CFH: variants seen among roughly 807,000 people sequenced by gnomAD.
CFH encodes complement factor H.
A neutral mutation model predicts 147.3 loss-of-function variants in CFH; 53 were observed. The observed-to-expected ratio is 0.36, with a 90% CI of 0.29 to 0.45. CFH has a LOEUF of 0.45. CFH is among the 20% of genes least tolerant of loss of function. The pLI is 1.00. For synonymous variants in CFH, 536 were observed against 489.4 expected, an observed-to-expected ratio of 1.10 and a Z score of -1.26; for missense variants, 1,380 against 1,498.0, an observed-to-expected ratio of 0.92 and a Z score of 1.30.
chr1:196,737,352 T>C, intron 16 of CFH, 123 bp from the exon 17 acceptor site: 1 of 753,162 alleles, frequency 1.3e-6, no homozygotes. Flanking sequence ...TATGTTTTTG[T>C]TTTTAAATAA....
At chr1:196,712,188 T>G (rs114869010) in intron 9 of CFH, among the ~76,000 whole-genome samples, 3,058 of 152,202 alleles carry the variant, frequency 0.02, 95 homozygotes, top group African/African-American at 0.069. Context: ...TCATCTATTT[T>G]GTTCCATTTC....
intron 7 of CFH, among the ~76,000 whole-genome samples, chr1:196,688,577 T>A (rs991548679): frequency 3.3e-5 from 5 of 152,110 alleles, no homozygotes; most frequent in African/African-American, 1.2e-4. Flanking sequence ...TTACGTTGTC[T>A]GCAATAAATA....
At chr1:196,742,782 G>A (rs1356684044) in intron 19 of CFH, among the ~76,000 whole-genome samples, 4 of 152,082 alleles carry the variant, frequency 2.6e-5, no homozygotes, top group Admixed American at 1.3e-4. Flanking sequence ...ACTACACATG[G>A]ATATGAAACT....
intron 9 of CFH, among the ~76,000 whole-genome samples, chr1:196,703,975 A>G (rs1228609763): frequency 6.8e-5 from 6 of 87,654 alleles, no homozygotes; most frequent in Admixed American, 1.8e-4. Flanking sequence ...ACAGAGCAAG[A>G]CTCTGTCAAA....
At chr1:196,717,378 T>C (rs1668895842) in intron 11 of CFH, among the ~76,000 whole-genome samples, 1 of 152,132 alleles carries the variant, frequency 6.6e-6, no homozygotes, top group South Asian at 2.1e-4. Flanking sequence ...GTGCCTTATA[T>C]AATAAAGTCA....
intron 1 of CFH, among the ~76,000 whole-genome samples, chr1:196,654,053 C>A (rs1666594798): frequency 6.6e-6 from 1 of 152,084 alleles, no homozygotes; most frequent in Non-Finnish European, 1.5e-5. Flanking sequence ...TTCTATTAAT[C>A]TACCATATCT....
At position 196,728,159 on chromosome 1, in the gene CFH, A is replaced by G. The variant is rs1377026434; in HGVS notation, c.2237-187A>G. ...CTCTAACATTTCAGCGACAGAATAC[A>G]GGGCTTATATTTTGACATAATAGCA... On this transcript the variant is annotated intron_variant, in intron 14 of 21. Transcript: ENST00000367429. 2.0e-5 allele frequency among the ~76,000 whole-genome samples: 3 copies of G among 152,150 alleles called. No homozygotes were observed. In the East Asian group the frequency reaches 5.8e-4, roughly 29 times the overall value.
Position 196,740,614 on chromosome 1 carries a change from T to C in CFH, c.2783-5T>C, listed in dbSNP as rs764271963. 21 of 1,613,494 alleles carry C rather than the reference T, an allele frequency of 1.3e-5. No homozygotes were observed. The South Asian group carries it at 1.9e-4, about 14-fold the overall frequency. ...TGAAACCTGAATTCATTCTTTTTTT[T>C]TTAGGCCTTCCTTGTAAATCTCCAC... is the stretch of plus-strand genomic sequence containing the variant. On this transcript the variant is annotated splice_region_variant and splice_polypyrimidine_tract_variant and intron_variant, in intron 17 of 21. Coordinates refer to ENST00000367429, the MANE Select transcript of CFH (RefSeq NM_000186.4).
intron 20 of CFH, among the ~76,000 whole-genome samples, chr1:196,745,394 GATTT>G (rs1378586034): frequency 1.3e-5 from 2 of 151,992 alleles, no homozygotes; most frequent in East Asian, 1.9e-4. Context: ...CAAGTTCATG[GATTT>G]ATTTGTCTGT....
chr1:196,681,431 C>G (rs1667652822), intron 6 of CFH, among the ~76,000 whole-genome samples: 1 of 151,088 alleles, frequency 6.6e-6, no homozygotes, highest in African/African-American at 2.4e-5. Context: ...AAATGTATTA[C>G]TGCATTTCTA....
chr1:196,734,736 C>G (rs143265150), intron 15 of CFH, among the ~76,000 whole-genome samples: 7 of 151,814 alleles, frequency 4.6e-5, no homozygotes, highest in Non-Finnish European at 8.8e-5. Flanking sequence ...CAATATTGAT[C>G]ATTTTTTAAA....
intron 17 of CFH, among the ~76,000 whole-genome samples, chr1:196,739,791 T>C (rs541482254): frequency 3.6e-4 from 55 of 152,342 alleles, no homozygotes; most frequent in African/African-American, 1.3e-3. Flanking sequence ...TTTTTGGTTA[T>C]CTTTACAGCA....
Position 196,690,188 on chromosome 1 carries a change from G to A in CFH, c.1285G>A (p.Val429Ile). The change falls in exon 9 of 22, where the codon GTT (valine) becomes ATT (isoleucine). Residue 429 changes from valine to isoleucine, a missense_variant. Val to Ile is a conservative substitution (Grantham distance 29). Coordinates refer to ENST00000367429, the MANE Select transcript of CFH (RefSeq NM_000186.4). The stretch of plus-strand genomic sequence containing the variant: ...CGCTCTTCCAAAAGCGCAGACCACA[G>A]TTACATGTATGGAGAATGGCTGGTC... Reference protein sequence around the residue: ...GYALPKAQTTVTCMENGWSPT... With the variant: ...GYALPKAQTTITCMENGWSPT... 1.9e-6 allele frequency: 3 copies of A among 1,613,446 alleles called. 1 individual carries two copies. In the South Asian group the frequency reaches 3.3e-5, roughly 18 times the overall value.
At chr1:196,691,190 C>T (rs1231936288) in intron 9 of CFH, among the ~76,000 whole-genome samples, 1 of 151,900 alleles carries the variant, frequency 6.6e-6, no homozygotes, top group Admixed American at 6.6e-5. Flanking sequence ...TCATTTGACT[C>T]AAAATAATTA....
At chr1:196,744,728 T>G (rs1652941465) in intron 20 of CFH, among the ~76,000 whole-genome samples, 1 of 152,184 alleles carries the variant, frequency 6.6e-6, no homozygotes, top group Admixed American at 6.5e-5. Context: ...TGAAAAAACT[T>G]ATGAGGAAAA....
At position 196,663,615 on chromosome 1, in the gene CFH, T is replaced by C. The variant is rs192503346; in HGVS notation, c.59-9363T>C. The stretch of plus-strand genomic sequence containing the variant: ...TTTCTCCCGTATAATGTCTTTGACA[T>C]TTGTAATAATAATTTGGTGCTTAAG... On this transcript the variant is annotated intron_variant, in intron 1 of 21. Coordinates refer to ENST00000367429, the MANE Select transcript of CFH (RefSeq NM_000186.4). Among the ~76,000 whole-genome samples, 4 of 152,332 alleles carry C rather than the reference T, an allele frequency of 2.6e-5. No homozygotes were observed. The East Asian group carries it at 7.7e-4, about 29-fold the overall frequency.
chr1:196,663,506 A>G (rs1480352863), intron 1 of CFH, among the ~76,000 whole-genome samples: 1 of 152,206 alleles, frequency 6.6e-6, no homozygotes, highest in Non-Finnish European at 1.5e-5. Flanking sequence ...CAGAATTAGT[A>G]TTGTTGATTA....
chr1:196,665,487 T>C (rs1009643731), intron 1 of CFH, among the ~76,000 whole-genome samples: 1 of 151,924 alleles, frequency 6.6e-6, no homozygotes, highest in Non-Finnish European at 1.5e-5. Context: ...GTATTTATTT[T>C]AAATTTGTTT....
chr1:196,701,719 A>T (rs1668454489), intron 9 of CFH, among the ~76,000 whole-genome samples: 2 of 152,112 alleles, frequency 1.3e-5, no homozygotes, highest in Non-Finnish European at 2.9e-5. Context: ...ACAGACCCAG[A>T]GACAAACCCT....
Sources: allele counts gnomAD v4.1 joint callset (sites outside exome capture counted in the v4.1 genomes callset), GRCh38; gene constraint gnomAD v4.1.1; transcripts MANE v1.5; gene names NCBI Gene and HGNC (gene_info 2026-07-23, HGNC 2026-07-21).